The following FBRSL1 variants were observed in gnomAD, a reference collection of about 807,000 sequenced individuals.
The protein encoded by FBRSL1 is fibrosin-1-like protein.
In FBRSL1, 51 loss-of-function variants were observed where a neutral mutation model predicts 89.6. The ratio of observed to expected loss-of-function variants is 0.57; its 90% CI spans 0.45 to 0.72. The LOEUF (loss-of-function observed/expected upper bound fraction) is 0.72. Among genes scored for constraint, FBRSL1 ranks in the 30% least tolerant of loss-of-function variants. FBRSL1 has a pLI of 0.00. For synonymous variants in FBRSL1, 779 were observed against 681.1 expected (o/e 1.14, Z -2.24); for missense variants, 1,618 against 1,451.8 (o/e 1.11, Z -1.86).
At chr12:132,581,924 T>C in intron 17 of FBRSL1, 100 bp downstream of exon 17, 1 of 1,306,340 alleles carries the variant, frequency 7.7e-7, no homozygotes, top group East Asian at 2.6e-5. Context: ...ACCTCCCTCC[T>C]CTCTGGGCTG....
chr12:132,521,958 G>A (rs572943144), intron 2 of FBRSL1, among the ~76,000 whole-genome samples: 1 of 152,264 alleles, frequency 6.6e-6, no homozygotes, highest in South Asian at 2.1e-4. Flanking sequence ...GAGTCCGTGT[G>A]CATGGGGTGA....
chr12:132,569,079 C>T (rs1448063752), intron 6 of FBRSL1, among the ~76,000 whole-genome samples: 3 of 152,162 alleles, frequency 2.0e-5, no homozygotes, highest in Non-Finnish European at 4.4e-5. Flanking sequence ...GCGAAACTGG[C>T]CCCCTGACCG....
At chr12:132,505,997 G>A (rs1279446057) in intron 1 of FBRSL1, among the ~76,000 whole-genome samples, 2 of 152,242 alleles carry the variant, frequency 1.3e-5, no homozygotes, top group Non-Finnish European at 2.9e-5. Flanking sequence ...TGGGCACAGG[G>A]GCTGCGCCTG....
intron 2 of FBRSL1, chr12:132,509,477 C>T: frequency 8.1e-7 from 1 of 1,240,232 alleles, no homozygotes. Context: ...TCTGCCAGCC[C>T]CAGCGGTCAC....
chr12:132,542,266 C>G (rs554820218), intron 4 of FBRSL1, among the ~76,000 whole-genome samples: 1 of 152,170 alleles, frequency 6.6e-6, no homozygotes, highest in Non-Finnish European at 1.5e-5. Flanking sequence ...CAGGGCCCCA[C>G]GGAGGACACA....
intron 1 of FBRSL1, among the ~76,000 whole-genome samples, chr12:132,491,369 T>G (rs1226419134): frequency 2.0e-5 from 3 of 152,226 alleles, no homozygotes; most frequent in Non-Finnish European, 4.4e-5. Context: ...GTTAATAGAT[T>G]GGCCAAAAAT....
intron 2 of FBRSL1, chr12:132,509,100 G>A: frequency 1.7e-6 from 2 of 1,190,692 alleles, no homozygotes; most frequent in Middle Eastern, 3.1e-4. Context: ...CTGGGCCCGG[G>A]CTGGACGGGG....
chr12:132,528,425 T>G (rs1238114354), intron 4 of FBRSL1, among the ~76,000 whole-genome samples: 1 of 152,042 alleles, frequency 6.6e-6, no homozygotes. Context: ...AGCAGCCACC[T>G]CCAATGCCCT....
chr12:132,505,468 C>T (rs1225883358), intron 1 of FBRSL1, among the ~76,000 whole-genome samples: 1 of 152,184 alleles, frequency 6.6e-6, no homozygotes, highest in East Asian at 1.9e-4. Flanking sequence ...GTCCCGGCCC[C>T]ACCCCCACCC....
chr12:132,582,825 T>C (rs2040872173), intron 18 of FBRSL1, 146 bp from the exon 19 acceptor site: 3 of 589,920 alleles, frequency 5.1e-6, no homozygotes, highest in East Asian at 3.8e-5. Context: ...TTTGGGAGCC[T>C]GTGGGGGTGC....
At chr12:132,514,285 G>A (rs2034634933) in intron 2 of FBRSL1, among the ~76,000 whole-genome samples, 1 of 152,176 alleles carries the variant, frequency 6.6e-6, no homozygotes, top group Non-Finnish European at 1.5e-5. Context: ...GGTGCCCAAG[G>A]GAGACCCAGG....
intron 2 of FBRSL1, chr12:132,510,133 C>A: frequency 8.2e-7 from 1 of 1,225,118 alleles, no homozygotes; most frequent in Non-Finnish European, 1.0e-6. Context: ...CCCAAGCGGC[C>A]GCTCATGGGC....
At position 132,572,249 on chromosome 12, in the gene FBRSL1, G is replaced by C. The variant is rs565851762; in HGVS notation, c.1378-39G>C. 7.6e-5 allele frequency: 117 copies of C among 1,540,820 alleles called. 4 individuals are homozygous for C. The South Asian group carries it at 1.3e-3, about 18-fold the overall frequency. ...GGGCCCGGGGCCCAGCAACGGTGTC[G>C]TGTGTGCGGGGCCTCACCCTCCTCT... is the stretch of plus-strand genomic sequence containing the variant. On this transcript the variant is annotated intron_variant, in intron 9 of 18. Coordinates refer to ENST00000680143, the MANE Select transcript of FBRSL1 (RefSeq NM_001367871.1).
intron 1 of FBRSL1, among the ~76,000 whole-genome samples, chr12:132,494,342 G>A (rs1428199323): frequency 6.6e-6 from 1 of 152,230 alleles, no homozygotes; most frequent in Non-Finnish European, 1.5e-5. Context: ...GAAGACTGGG[G>A]TCTGAGAGGT....
chr12:132,505,784 C>T (rs1241460805), intron 1 of FBRSL1, among the ~76,000 whole-genome samples: 1 of 152,252 alleles, frequency 6.6e-6, no homozygotes, highest in Non-Finnish European at 1.5e-5. Flanking sequence ...CAGCCTTACC[C>T]TGGAAAGCCC....
intron 2 of FBRSL1, chr12:132,510,607 T>A (rs1244048520): frequency 3.3e-6 from 4 of 1,230,620 alleles, no homozygotes; most frequent in Non-Finnish European, 4.0e-6. Flanking sequence ...TGTTTGTCGT[T>A]GGAAATTGAG....
chr12:132,550,315 C>T (rs1269933850), intron 5 of FBRSL1, among the ~76,000 whole-genome samples: 6 of 152,114 alleles, frequency 3.9e-5, no homozygotes, highest in Non-Finnish European at 5.9e-5. Flanking sequence ...AGAGGCCTGG[C>T]GGGGCGGGGA....
intron 5 of FBRSL1, among the ~76,000 whole-genome samples, chr12:132,556,084 G>A (rs2038610398): frequency 6.6e-6 from 1 of 152,198 alleles, no homozygotes; most frequent in South Asian, 2.1e-4. Context: ...CCTGGGAGCT[G>A]AAATTCGCTA....
In FBRSL1 at chr12:132,574,549, CCAG is replaced by C. The variant is rs1272709289; in HGVS notation, c.1690_1692del (p.Gln564del). On this transcript the variant is annotated inframe_deletion, in exon 14 of 19. Coordinates refer to ENST00000680143, the MANE Select transcript of FBRSL1 (RefSeq NM_001367871.1). Reference sequence around the variant, plus strand: ...AGATCGCCTGGCAGATCTACCGTCACCAGCAGAAGATAAAGGTGAGACCACCTG... The same window carrying C: ...AGATCGCCTGGCAGATCTACCGTCACCAGAAGATAAAGGTGAGACCACCTG... 1 of 1,550,038 alleles carries C rather than the reference CCAG, an allele frequency of 6.5e-7. No homozygotes were observed. Among genetic ancestry groups the C allele is most frequent in the Non-Finnish European group, 8.7e-7 (1 of 1,146,822 alleles).
Sources: allele counts gnomAD v4.1 joint callset (sites outside exome capture counted in the v4.1 genomes callset), GRCh38; gene constraint gnomAD v4.1.1; transcripts MANE v1.5; gene names NCBI Gene and HGNC (gene_info 2026-07-23, HGNC 2026-07-21).